The following PCDHA1 variants were observed in gnomAD, a reference collection of about 807,000 sequenced individuals.
PCDHA1 encodes the protein protocadherin alpha-1.
In PCDHA1, 42 loss-of-function variants were observed where a neutral mutation model predicts 61.3. The ratio of observed to expected loss-of-function variants is 0.69; its 90% CI spans 0.54 to 0.89. PCDHA1 has a LOEUF of 0.89. PCDHA1 is among the 40% of genes least tolerant of loss of function. The pLI is 0.00. For synonymous variants in PCDHA1, 610 were observed against 553.8 expected (o/e 1.10, Z -1.43); for missense variants, 1,256 against 1,235.3 (o/e 1.02, Z -0.25).
intron 1 of PCDHA1, chr5:140,848,890 T>A (rs1554142528): frequency 3.1e-6 from 5 of 1,595,934 alleles, no homozygotes; most frequent in Non-Finnish European, 4.3e-6. Context: ...AACCCTCCAG[T>A]GTTCCCAGCG....
At chr5:140,796,554 G>A in intron 1 of PCDHA1, 2 of 1,613,162 alleles carry the variant, frequency 1.2e-6, no homozygotes, top group South Asian at 1.1e-5. Context: ...AAGTGGAGCT[G>A]CTGCAGTTCC....
chr5:141,009,690 T>G lies in PCDHA1; in HGVS notation c.2606T>G (p.Phe869Cys). The G allele has an allele frequency of 6.2e-7, 1 of 1,614,068 alleles. No homozygotes were observed. The highest frequency in any genetic ancestry group is 8.5e-7 in the Non-Finnish European group (1 of 1,180,024). The change falls in exon 4 of 4, where the codon TTT (phenylalanine) becomes TGT (cysteine). Residue 869 changes from phenylalanine to cysteine, a missense_variant. Phe to Cys is a radical substitution (Grantham distance 205). Coordinates refer to ENST00000504120, the MANE Select transcript of PCDHA1 (RefSeq NM_018900.4). ...GGTGTCAACAGCAACAGCTGGACCT[T>G]TAAATACGGACCAGGCAACCCCAAA... ...GAGVNSNSWT[F>C]KYGPGNPKQS...
At chr5:140,836,210 TG>T (rs1340323722) in intron 1 of PCDHA1, 1 of 1,613,654 alleles carries the variant, frequency 6.2e-7, no homozygotes, top group Admixed American at 1.7e-5. Context: ...GGCTTTCGTA[TG>T]AGTTGCAACC....
At chr5:140,913,987 T>C (rs562066581) in intron 1 of PCDHA1, among the ~76,000 whole-genome samples, 5 of 152,318 alleles carry the variant, frequency 3.3e-5, no homozygotes, top group African/African-American at 1.2e-4. Context: ...ACTTGTATTG[T>C]GACTAGCATA....
At chr5:140,920,411 T>G (rs533328116) in intron 1 of PCDHA1, among the ~76,000 whole-genome samples, 39 of 152,352 alleles carry the variant, frequency 2.6e-4, no homozygotes, top group Middle Eastern at 3.4e-3. Flanking sequence ...TTTAATCAGA[T>G]ACAGCTGTTC....
intron 1 of PCDHA1, chr5:140,794,770 A>G: frequency 1.6e-6 from 1 of 626,490 alleles, no homozygotes; most frequent in Non-Finnish European, 2.8e-6. Context: ...AATAAACAGT[A>G]GAGCCTTCCT....
At position 140,788,209 on chromosome 5, in the gene PCDHA1, C is replaced by T. The variant is rs782386855; in HGVS notation, c.1919C>T (p.Ala640Val). ...AGCACGACTCGTGTCCTGGACGAGG[C>T]TGACTTGTCGCGCTACCGCCTTCTG... is the stretch of plus-strand genomic sequence containing the variant. The part of the protein sequence containing the change: ...EISTTRVLDE[A>V]DLSRYRLLVL... The change falls in exon 1 of 4, where the codon GCT (alanine) becomes GTT (valine). Residue 640 changes from alanine (A) to valine (V), a missense_variant. Transcript: ENST00000504120. The T allele has an allele frequency of 6.2e-7, 1 of 1,614,068 alleles. No individual in the cohort carries two copies. The highest frequency in any genetic ancestry group is 1.1e-5 in the South Asian group (1 of 91,086).
chr5:140,803,362 G>A (rs782740317), intron 1 of PCDHA1: 6 of 1,614,042 alleles, frequency 3.7e-6, no homozygotes, highest in African/African-American at 2.7e-5. Context: ...ACTGCTCTGC[G>A]GTGCTCCGCG....
At chr5:140,963,346 A>G (rs2095758163) in intron 1 of PCDHA1, among the ~76,000 whole-genome samples, 1 of 152,236 alleles carries the variant, frequency 6.6e-6, no homozygotes, top group Non-Finnish European at 1.5e-5. Flanking sequence ...TTGTAAATTT[A>G]GTTCTTTTCA....
At chr5:140,861,700 T>C (rs2047027429) in intron 1 of PCDHA1, 1 of 222,356 alleles carries the variant, frequency 4.5e-6, no homozygotes, top group Non-Finnish European at 9.0e-6. Flanking sequence ...GTGTCTGTGA[T>C]GCCGACGTCG....
At chr5:140,924,183 A>G (rs1554201796) in intron 1 of PCDHA1, among the ~76,000 whole-genome samples, 1 of 152,230 alleles carries the variant, frequency 6.6e-6, no homozygotes, top group Non-Finnish European at 1.5e-5. Context: ...GAAGCAGAAA[A>G]TTAGTTTTGG....
chr5:140,943,450 T>C (rs2093496924), intron 1 of PCDHA1, among the ~76,000 whole-genome samples: 1 of 152,012 alleles, frequency 6.6e-6, no homozygotes, highest in Non-Finnish European at 1.5e-5. Context: ...ATAGAATTGA[T>C]AAGGCTAAAT....
rs1164447924 is a variant in PCDHA1, at chr5:141,009,514, AT to A, written c.2543-108del. The A allele has an allele frequency of 1.5e-5, 22 of 1,501,204 alleles. 1 individual carries two copies. The South Asian group carries it at 1.9e-4, about 13-fold the overall frequency. 93.0% of individuals were successfully genotyped at this position (1,501,204 alleles called of 1,614,324 possible). ...CTCAGACTTGAACAAACAACTCGTG[AT>A]TTTTCTGGGGAGGTTCAGCCTGCCT... On this transcript the variant is annotated intron_variant, in intron 3 of 3. Coordinates refer to ENST00000504120, the MANE Select transcript of PCDHA1 (RefSeq NM_018900.4).
chr5:140,987,293 T>C (rs2097246211), intron 3 of PCDHA1, among the ~76,000 whole-genome samples: 1 of 152,134 alleles, frequency 6.6e-6, no homozygotes, highest in African/African-American at 2.4e-5. Context: ...TAACAAGCCT[T>C]CTATGTGATA....
chr5:140,833,596 T>C (rs1772537859), intron 1 of PCDHA1, among the ~76,000 whole-genome samples: 2 of 152,316 alleles, frequency 1.3e-5, no homozygotes, highest in South Asian at 4.1e-4. Context: ...TATATATAGA[T>C]TCTGCTAAAG....
intron 2 of PCDHA1, among the ~76,000 whole-genome samples, chr5:140,981,892 G>A (rs1245605619): frequency 2.0e-5 from 3 of 152,122 alleles, no homozygotes; most frequent in Non-Finnish European, 2.9e-5. Flanking sequence ...TCTTCTGAGC[G>A]GGGATCTGTG....
chr5:140,814,025 T>G (rs1765421456), intron 1 of PCDHA1: 1 of 152,870 alleles, frequency 6.5e-6, no homozygotes, highest in Non-Finnish European at 1.5e-5. Context: ...CAGTAATAAA[T>G]TAACCTTAGC....
chr5:140,934,331 A>C (rs1313968911), intron 1 of PCDHA1, among the ~76,000 whole-genome samples: 1 of 152,116 alleles, frequency 6.6e-6, no homozygotes, highest in East Asian at 1.9e-4. Flanking sequence ...CATGAATGTA[A>C]TAACCACCAG....
At chr5:140,816,206 C>T (rs1368451854) in intron 1 of PCDHA1, 8 of 152,138 alleles carry the variant, frequency 5.3e-5, no homozygotes, top group Admixed American at 3.3e-4. Flanking sequence ...ATTTCTTGCT[C>T]TTTTTGCTAC....
Sources: allele counts gnomAD v4.1 joint callset (sites outside exome capture counted in the v4.1 genomes callset), GRCh38; gene constraint gnomAD v4.1.1; transcripts MANE v1.5; gene names NCBI Gene and HGNC (gene_info 2026-07-23, HGNC 2026-07-21).